The following SLAIN2 variants were observed in gnomAD, a reference collection of about 807,000 sequenced individuals.
The protein encoded by SLAIN2 is SLAIN family member 2, also known as SLAIN motif-containing protein 2.
Under a neutral mutation model 56.6 loss-of-function variants are expected in SLAIN2, and 31 were observed. That is an observed-to-expected ratio of 0.55 (90% confidence interval 0.41 to 0.74). The LOEUF (loss-of-function observed/expected upper bound fraction) is 0.74. Among genes scored for constraint, SLAIN2 ranks in the 30% least tolerant of loss-of-function variants. The pLI is 0.00. For missense variants in SLAIN2, 777 were observed against 754.2 expected (o/e 1.03, Z -0.35); for synonymous variants, 317 against 284.9 (o/e 1.11, Z -1.13).
Position 48,361,705 on chromosome 4 carries a change from T to C in SLAIN2, c.390-8144T>C, listed in dbSNP as rs1715332037. On this transcript the variant is annotated intron_variant, in intron 1 of 7. Coordinates refer to ENST00000264313, the MANE Select transcript of SLAIN2 (RefSeq NM_020846.2). ...ATTTTAGGATCAGCTTGTCAATTTC[T>C]GCTAAAAATGCCTGCTGAGGTTTTC... is the stretch of plus-strand genomic sequence containing the variant. Among the ~76,000 whole-genome samples the C allele has an allele frequency of 2.6e-5, 4 of 152,218 alleles. No individual in the cohort carries two copies. The South Asian group carries it at 8.3e-4, about 31-fold the overall frequency.
chr4:48,403,083 T>C (rs958807509), intron 6 of SLAIN2, among the ~76,000 whole-genome samples: 3 of 152,216 alleles, frequency 2.0e-5, no homozygotes, highest in African/African-American at 4.8e-5. Context: ...AGCCTGTCCC[T>C]TCCTCTGGGA....
At chr4:48,380,839 G>C (rs751679781) in intron 4 of SLAIN2, among the ~76,000 whole-genome samples, 7 of 152,222 alleles carry the variant, frequency 4.6e-5, no homozygotes, top group Admixed American at 1.3e-4. Flanking sequence ...GTATGTAATA[G>C]GTTCTCTTTA....
intron 4 of SLAIN2, among the ~76,000 whole-genome samples, chr4:48,380,962 C>T (rs574916006): frequency 3.9e-5 from 6 of 152,314 alleles, no homozygotes; most frequent in African/African-American, 1.4e-4. Context: ...GATAGAAGGA[C>T]TTAGTGCTTG....
intron 6 of SLAIN2, among the ~76,000 whole-genome samples, chr4:48,399,843 A>T (rs1430571784): frequency 6.6e-6 from 1 of 151,968 alleles, no homozygotes; most frequent in Non-Finnish European, 1.5e-5. Context: ...TTGCATCCCG[A>T]GGATAAAGCC....
chr4:48,390,548 A>G (rs1421313357), intron 6 of SLAIN2, among the ~76,000 whole-genome samples: 1 of 152,154 alleles, frequency 6.6e-6, no homozygotes, highest in African/African-American at 2.4e-5. Flanking sequence ...TTATAGTACT[A>G]ATGGCCAGGA....
chr4:48,393,385 C>CG (rs1560460974), intron 6 of SLAIN2, among the ~76,000 whole-genome samples: 61 of 49,584 alleles, frequency 1.2e-3, no homozygotes, highest in Middle Eastern at 7.9e-3. Flanking sequence ...CCATGTCTGG[C>CG]TTGTGTGTGT....
rs1715507673 is a variant in SLAIN2 at position 48,365,868 on chromosome 4, T to C, written c.390-3981T>C. Reference sequence around the variant, plus strand: ...GTGAGCCACCGCACCCAGCCTACTTTGGGTTTAATTTGCTCTTGTTCTAAT... The same window carrying C: ...GTGAGCCACCGCACCCAGCCTACTTCGGGTTTAATTTGCTCTTGTTCTAAT... On this transcript the variant is annotated intron_variant, in intron 1 of 7. Coordinates refer to ENST00000264313, the MANE Select transcript of SLAIN2 (RefSeq NM_020846.2). 2.6e-5 allele frequency among the ~76,000 whole-genome samples: 4 copies of C among 152,356 alleles called. No individual in the cohort carries two copies. In the South Asian group the frequency reaches 8.3e-4, roughly 32 times the overall value.
intron 1 of SLAIN2, among the ~76,000 whole-genome samples, chr4:48,350,873 G>C (rs1046249645): frequency 1.5e-4 from 23 of 152,182 alleles, no homozygotes; most frequent in African/African-American, 5.3e-4. Flanking sequence ...CTATCTCCTT[G>C]AAATATGAAG....
rs143249739 is a variant in SLAIN2 at position 48,355,219 on chromosome 4, G to A, written c.389+13091G>A. On this transcript the variant is annotated intron_variant, in intron 1 of 7. Coordinates refer to ENST00000264313, the MANE Select transcript of SLAIN2 (RefSeq NM_020846.2). ...TTATATTTCAGGAAAAAAATGCCAC[G>A]CTCTCTTATGATTCTTCATACTTAC... Among the ~76,000 whole-genome samples, 248 of 152,258 alleles carry A rather than the reference G, an allele frequency of 1.6e-3. 2 individuals carry two copies. The highest frequency in any genetic ancestry group is 5.3e-3 in the African/African-American group (219 of 41,550).
chr4:48,363,926 G>A (rs1417405148), intron 1 of SLAIN2, among the ~76,000 whole-genome samples: 2 of 122,442 alleles, frequency 1.6e-5, no homozygotes, highest in Non-Finnish European at 3.6e-5. Flanking sequence ...GCGGGGGGCT[G>A]ACCCCCCCAC....
At chr4:48,384,523 G>A (rs1415977784) in intron 6 of SLAIN2, among the ~76,000 whole-genome samples, 4 of 152,142 alleles carry the variant, frequency 2.6e-5, no homozygotes, top group Admixed American at 1.3e-4. Flanking sequence ...TTTAAGAATT[G>A]ATCAGGACTT....
intron 6 of SLAIN2, among the ~76,000 whole-genome samples, chr4:48,414,167 G>C (rs1013538545): frequency 1.3e-5 from 2 of 152,144 alleles, no homozygotes; most frequent in African/African-American, 4.8e-5. Flanking sequence ...TTCACATTAT[G>C]CCTGACTCGA....
At position 48,423,375 on chromosome 4, in the gene SLAIN2, T is replaced by G. The variant is rs1577745127; in HGVS notation, c.*1298T>G. ...CGGCTATTTCAATTTTATCAGACTT[T>G]TACCAGAGTAAAACTTGCTTCTGTA... is the stretch of plus-strand genomic sequence containing the variant. On this transcript the variant is annotated 3_prime_UTR_variant, in exon 8 of 8. Transcript: ENST00000264313. The G allele has an allele frequency of 6.6e-6, 1 of 152,180 alleles. No individual in the cohort carries two copies. Among genetic ancestry groups the G allele is most frequent in the East Asian group, 1.9e-4 (1 of 5,198 alleles). The allele number at this position is 152,180 out of a possible 1,614,324, so 9.4% of individuals were successfully genotyped here. A position where few individuals can be genotyped will look rare whatever the true frequency, so the allele number is the denominator to read the frequency against.
chr4:48,392,102 T>A (rs1359393569), intron 6 of SLAIN2, among the ~76,000 whole-genome samples: 1 of 152,256 alleles, frequency 6.6e-6, no homozygotes, highest in African/African-American at 2.4e-5. Context: ...CATTTAAAAG[T>A]GATTTTGTCT....
At chr4:48,410,404 G>T (rs1225401670) in intron 6 of SLAIN2, among the ~76,000 whole-genome samples, 17 of 151,246 alleles carry the variant, frequency 1.1e-4, no homozygotes, top group African/African-American at 3.6e-4. Context: ...TTTCTTTATG[G>T]TATCCTTTGA....
chr4:48,341,772 C>A lies in SLAIN2; in HGVS notation c.33C>A (p.Asp11Glu). 1 of 1,530,354 alleles carries A rather than the reference C, an allele frequency of 6.5e-7. No homozygotes were observed. 94.8% of individuals were successfully genotyped at this position (1,530,354 alleles called of 1,614,324 possible). A position where few individuals can be genotyped will look rare whatever the true frequency, so the allele number is the denominator to read the frequency against. Residue 11 changes from aspartate (D) to glutamate (E), a missense_variant, in exon 1 of 8, where the codon GAC (aspartate) becomes GAA (glutamate). Asp to Glu is a conservative substitution (Grantham distance 45, BLOSUM62 2). Coordinates refer to ENST00000264313, the MANE Select transcript of SLAIN2 (RefSeq NM_020846.2). MEDVNSNVNA[D>E]QEVRKLQELV... is the part of the protein sequence containing the mutation. ...ACGTTAACTCCAACGTGAACGCGGA[C>A]CAGGAGGTGCGGAAGCTGCAGGAGC...
chr4:48,394,726 T>C (rs566630239), intron 6 of SLAIN2: 95 of 1,226,656 alleles, frequency 7.7e-5, no homozygotes, highest in Non-Finnish European at 1.0e-4. Context: ...TTTGGCATAC[T>C]GAGTCAGTGG....
chr4:48,389,674 G>A (rs1370645440), intron 6 of SLAIN2, among the ~76,000 whole-genome samples: 2 of 152,212 alleles, frequency 1.3e-5, no homozygotes, highest in Non-Finnish European at 2.9e-5. Flanking sequence ...GGAGATATAG[G>A]TTTTCCCAAC....
intron 6 of SLAIN2, chr4:48,394,719 G>T: frequency 1.5e-6 from 2 of 1,309,318 alleles, no homozygotes; most frequent in South Asian, 1.3e-5. Context: ...TAAGCCATTT[G>T]GCATACTGAG....
Sources: allele counts gnomAD v4.1 joint callset (sites outside exome capture counted in the v4.1 genomes callset), GRCh38; gene constraint gnomAD v4.1.1; transcripts MANE v1.5; gene names NCBI Gene and HGNC (gene_info 2026-07-23, HGNC 2026-07-21).